MAF: variants seen among roughly 807,000 people sequenced by gnomAD.
MAF encodes transcription factor Maf.
Under a neutral mutation model 22.0 loss-of-function variants are expected in MAF, and 10 were observed. The ratio of observed to expected loss-of-function variants is 0.45; its 90% CI spans 0.28 to 0.77. The LOEUF is 0.77. Among genes scored for constraint, MAF ranks in the 30% least tolerant of loss-of-function variants. The probability of loss-of-function intolerance (pLI) is 0.12; values close to 1 mark genes in which losing one functional copy is unlikely to be tolerated. For missense variants in MAF, 544 were observed against 548.4 expected, an observed-to-expected ratio of 0.99 and a Z score of 0.08; for synonymous variants, 337 against 255.8, an observed-to-expected ratio of 1.32 and a Z score of -3.03.
At chr16:79,333,063 G>A in the MAF span, among the ~76,000 whole-genome samples, 1 of 152,240 alleles carries the variant, frequency 6.6e-6, no homozygotes, top group African/African-American at 2.4e-5. Flanking sequence ...ATAGCCTGAA[G>A]AGAGTCAGCA....
the MAF span, among the ~76,000 whole-genome samples, chr16:79,557,860 T>C: frequency 2.2e-3 from 329 of 151,730 alleles, 5 homozygotes; most frequent in African/African-American, 7.9e-3. Flanking sequence ...GACATGTGGG[T>C]GCTAAAGGTC....
chr16:79,327,143 T>C, the MAF span, among the ~76,000 whole-genome samples: 1 of 152,170 alleles, frequency 6.6e-6, no homozygotes. Flanking sequence ...GATTGGATTT[T>C]TAAATTGTAA....
At chr16:79,334,101 T>C in the MAF span, among the ~76,000 whole-genome samples, 2 of 152,220 alleles carry the variant, frequency 1.3e-5, no homozygotes, top group Non-Finnish European at 2.9e-5. Context: ...ATGCAGCACA[T>C]GCTCAAGAGA....
the MAF span, among the ~76,000 whole-genome samples, chr16:79,408,108 G>T: frequency 1.6e-5 from 2 of 122,064 alleles, no homozygotes; most frequent in African/African-American, 6.2e-5. Flanking sequence ...AAACCTAAAG[G>T]CGTGGTGGAG....
chr16:79,380,147 G>C, the MAF span, among the ~76,000 whole-genome samples: 1 of 152,060 alleles, frequency 6.6e-6, no homozygotes, highest in Non-Finnish European at 1.5e-5. Context: ...TTTAATCATG[G>C]CTGCCATATT....
At chr16:79,291,022 C>T in the MAF span, among the ~76,000 whole-genome samples, 1 of 152,262 alleles carries the variant, frequency 6.6e-6, no homozygotes, top group East Asian at 1.9e-4. Context: ...TGCCCCATTA[C>T]GAATGCTCGA....
At chr16:79,546,592 A>C in the MAF span, among the ~76,000 whole-genome samples, 1 of 152,216 alleles carries the variant, frequency 6.6e-6, no homozygotes, top group Non-Finnish European at 1.5e-5. Context: ...ATCAGGACAG[A>C]TTAACTCATT....
At chr16:79,208,272 G>A in the MAF span, among the ~76,000 whole-genome samples, 1 of 152,042 alleles carries the variant, frequency 6.6e-6, no homozygotes, top group South Asian at 2.1e-4. Context: ...TCAGTCCTGT[G>A]TCGTCAACAA....
At chr16:79,326,140 T>A in the MAF span, among the ~76,000 whole-genome samples, 12,068 of 152,300 alleles carry the variant, frequency 0.079, 1,257 homozygotes, top group East Asian at 0.42. Flanking sequence ...AAGACTTCAA[T>A]AATTTATTAT....
chr16:79,320,109 G>C, the MAF span, among the ~76,000 whole-genome samples: 1 of 152,168 alleles, frequency 6.6e-6, no homozygotes, highest in Non-Finnish European at 1.5e-5. Context: ...GTGGTACAAA[G>C]TGGAGTATCA....
the MAF span, among the ~76,000 whole-genome samples, chr16:79,435,840 G>C: frequency 6.6e-6 from 1 of 152,186 alleles, no homozygotes; most frequent in Non-Finnish European, 1.5e-5. Flanking sequence ...TCGAACAAAG[G>C]CTTTTTCTCC....
At chr16:79,318,346 AG>A in the MAF span, among the ~76,000 whole-genome samples, 1 of 152,312 alleles carries the variant, frequency 6.6e-6, no homozygotes, top group Admixed American at 6.5e-5. Context: ...CATGCTAATC[AG>A]GAAAGGCTTC....
chr16:79,595,240 G>A (rs1312540328), intron 1 of MAF: 14 of 1,045,376 alleles, frequency 1.3e-5, no homozygotes, highest in Non-Finnish European at 1.6e-5. Context: ...GGATTCAGGA[G>A]CCTGTCTAAA....
chr16:79,428,096 T>TAAAAAAAAA, the MAF span, among the ~76,000 whole-genome samples: 3 of 104,098 alleles, frequency 2.9e-5, no homozygotes, highest in East Asian at 3.4e-4. Context: ...CGACTCAAAT[T>TAAAAAAAAA]AAAAAAAAAA....
At chr16:79,433,867 G>A in the MAF span, among the ~76,000 whole-genome samples, 1 of 152,202 alleles carries the variant, frequency 6.6e-6, no homozygotes, top group Non-Finnish European at 1.5e-5. Flanking sequence ...GATCTGGCAT[G>A]ACTGGTCCCC....
the MAF span, among the ~76,000 whole-genome samples, chr16:79,384,401 C>T: frequency 1.2e-4 from 18 of 146,964 alleles, no homozygotes; most frequent in East Asian, 2.0e-4. Flanking sequence ...GCCAAGATTA[C>T]GCTACTGTAT....
chr16:79,364,435 A>G, the MAF span, among the ~76,000 whole-genome samples: 4 of 152,174 alleles, frequency 2.6e-5, no homozygotes, highest in Admixed American at 2.6e-4. Flanking sequence ...TGCTCCAGCC[A>G]GGCTGGGTGG....
chr16:79,543,215 C>T, the MAF span, among the ~76,000 whole-genome samples: 14 of 152,284 alleles, frequency 9.2e-5, no homozygotes, highest in Admixed American at 2.6e-4. Flanking sequence ...AAGGTAGGCG[C>T]GATCCATGCT....
At chr16:79,386,820 G>A in the MAF span, among the ~76,000 whole-genome samples, 1 of 152,110 alleles carries the variant, frequency 6.6e-6, no homozygotes, top group African/African-American at 2.4e-5. Flanking sequence ...AGAAGACAGG[G>A]TTCCAGAGAG....
Sources: allele counts gnomAD v4.1 joint callset (sites outside exome capture counted in the v4.1 genomes callset), GRCh38; gene constraint gnomAD v4.1.1; transcripts MANE v1.5; gene names NCBI Gene and HGNC (gene_info 2026-07-23, HGNC 2026-07-21).